SART1: variants seen among roughly 807,000 people sequenced by gnomAD.
The protein encoded by SART1 is spliceosome associated factor 1, recruiter of U4/U6.U5 tri-snRNP.
In SART1, 28 loss-of-function variants were observed where a neutral mutation model predicts 105.0. The ratio of observed to expected loss-of-function variants is 0.27; its 90% CI spans 0.20 to 0.37. The LOEUF (loss-of-function observed/expected upper bound fraction) is 0.37. Ranked by LOEUF, SART1 falls within the 10% of genes least tolerant of loss-of-function variation. The probability of loss-of-function intolerance (pLI) is 1.00; values close to 1 mark genes in which losing one functional copy is unlikely to be tolerated. For missense variants in SART1, 894 were observed against 1,106.5 expected, an observed-to-expected ratio of 0.81 and a Z score of 2.72; for synonymous variants, 472 against 462.9, an observed-to-expected ratio of 1.02 and a Z score of -0.25.
rs1308335318 is a variant in SART1 at position 65,977,042 on chromosome 11, A to G, written c.1886A>G (p.Asp629Gly). Residue 629 changes from aspartate (D) to glycine (G), a missense_variant, in exon 15 of 20, where the codon GAC (aspartate) becomes GGC (glycine). By Grantham distance (94) the Asp-to-Gly change is moderately conservative (BLOSUM62 -1). Transcript: ENST00000312397. ...TCTGCTTCCTCCACCACCATCCTGG[A>G]CGAGGAACCGATCGTGAATAGGGGG... Reference protein sequence around the residue: ...DFSASSTTILDEEPIVNRGLA... With the variant: ...DFSASSTTILGEEPIVNRGLA... The G allele has an allele frequency of 5.6e-6, 9 of 1,613,906 alleles. No individual in the cohort carries two copies. Among genetic ancestry groups the G allele is most frequent in the Non-Finnish European group, 7.6e-6 (9 of 1,179,944 alleles).
At position 65,976,851 on chromosome 11, in the gene SART1, C is replaced by G; in HGVS notation, c.1857+85C>G. The stretch of plus-strand genomic sequence containing the variant: ...CGGGCTCGGTGTCCAGAGCCTCAGC[C>G]TCCTCATCCAGAGTGGGCTCTGCAG... On this transcript the variant is annotated intron_variant, in intron 14 of 19. Transcript: ENST00000312397. This position sits in a 1 kb window ranked among gnomAD's most constrained non-coding sequence, Gnocchi z 5.1. 7.9e-7 allele frequency: 1 copy of G among 1,265,942 alleles called. No homozygotes were observed. The highest frequency in any genetic ancestry group is 1.1e-6 in the Non-Finnish European group (1 of 896,492). 78.4% of individuals were successfully genotyped at this position (1,265,942 alleles called of 1,614,324 possible). A position where few individuals can be genotyped will look rare whatever the true frequency, so the allele number is the denominator to read the frequency against.
In SART1 at chr11:65,977,632, T is replaced by C; in HGVS notation, c.2015T>C (p.Val672Ala). 2.5e-6 allele frequency: 4 copies of C among 1,613,960 alleles called. No individual in the cohort carries two copies. The highest frequency in any genetic ancestry group is 1.7e-5 in the Admixed American group (1 of 60,018). The change falls in exon 16 of 20, where the codon GTG becomes GCG. Residue 672 changes from valine to alanine, a missense_variant. Val to Ala is a moderately conservative substitution (Grantham distance 64). Transcript: ENST00000312397. ...KAPNKSLPSA[V>A]YCIEDKMAID... ...CCCAACAAGTCGCTGCCCTCAGCCG[T>C]GTACTGCATCGAGGATAAGATGTGA... is the stretch of plus-strand genomic sequence containing the variant.
At position 65,965,184 on chromosome 11, in the gene SART1, G is replaced by A; in HGVS notation, c.520G>A (p.Ala174Thr). The A allele has an allele frequency of 6.2e-7, 1 of 1,607,726 alleles. No individual in the cohort carries two copies. The highest frequency in any genetic ancestry group is 8.5e-7 in the Non-Finnish European group (1 of 1,178,570). The change falls in exon 4 of 20, where the codon GCC becomes ACC. Residue 174 changes from alanine (A) to threonine (T), a missense_variant. Ala to Thr is a moderately conservative substitution (Grantham distance 58). Transcript: ENST00000312397. Reference sequence around the variant, plus strand: ...GGAGCTGCGGGAGAAGCTGGCGGCTGCCAAGGAGAAGCGCCTGCTGAACCA... The same window carrying A: ...GGAGCTGCGGGAGAAGCTGGCGGCTACCAAGGAGAAGCGCCTGCTGAACCA... Reference protein sequence around the residue: ...REELREKLAAAKEKRLLNQKL... With the variant: ...REELREKLAATKEKRLLNQKL...
Position 65,978,015 on chromosome 11 carries a change from G to A in SART1, c.2172+116G>A, listed in dbSNP as rs1386805457. 1.3e-5 allele frequency: 15 copies of A among 1,181,700 alleles called. No homozygotes were observed. The East Asian group carries it at 3.8e-4, about 30-fold the overall frequency. The allele number at this position is 1,181,700 out of a possible 1,614,324, so 73.2% of individuals were successfully genotyped here. A position where few individuals can be genotyped will look rare whatever the true frequency, so the allele number is the denominator to read the frequency against. On this transcript the variant is annotated intron_variant, in intron 17 of 19. Transcript: ENST00000312397. This position sits in a 1 kb window ranked among gnomAD's most constrained non-coding sequence, Gnocchi z 6.8. ...AGGGTCCTGGCTCCACCAGCCTCTG[G>A]CTGGGGGCCTGGTGAATGCCACGGA... is the stretch of plus-strand genomic sequence containing the variant.
At chr11:65,971,830 G>A (rs1481589337) in intron 12 of SART1, among the ~76,000 whole-genome samples, 1 of 152,072 alleles carries the variant, frequency 6.6e-6, no homozygotes, top group Non-Finnish European at 1.5e-5. Flanking sequence ...AGGGCCTGGA[G>A]TCGTGATGTG....
Position 65,962,019 on chromosome 11 carries a change from G to C in SART1, c.239G>C (p.Gly80Ala), listed in dbSNP as rs1312183376. ...AEAEARSSTH[G>A]RERSQAEPSE... ...GCTGAGGCCCGGAGCAGCACGCACG[G>C]GCGGGAGCGCAGCCAGGCAGAGCCC... The change falls in exon 1 of 20, where the codon GGG becomes GCG. Residue 80 changes from glycine (G) to alanine (A), a missense_variant. By Grantham distance (60) the Gly-to-Ala change is moderately conservative. Transcript: ENST00000312397. The C allele has an allele frequency of 6.6e-7, 1 of 1,512,412 alleles. No homozygotes were observed. Among genetic ancestry groups the C allele is most frequent in the Admixed American group, 2.1e-5 (1 of 47,662 alleles). The allele number at this position is 1,512,412 out of a possible 1,614,324, so 93.7% of individuals were successfully genotyped here.
chr11:65,966,683 G>A, intron 9 of SART1, 127 bp downstream of exon 9: 2 of 1,147,318 alleles, frequency 1.7e-6, no homozygotes, highest in Non-Finnish European at 2.4e-6. Flanking sequence ...CCTCGCGGGT[G>A]AGCACTAAAT....
At position 65,979,166 on chromosome 11, in the gene SART1, T is replaced by C; in HGVS notation, c.*136T>C. 6 of 1,141,384 alleles carry C rather than the reference T, an allele frequency of 5.3e-6. No individual in the cohort carries two copies. Among genetic ancestry groups the C allele is most frequent in the Non-Finnish European group, 7.7e-6 (6 of 782,476 alleles). The allele number at this position is 1,141,384 out of a possible 1,614,324, so 70.7% of individuals were successfully genotyped here. On this transcript the variant is annotated 3_prime_UTR_variant, in exon 20 of 20. Coordinates refer to ENST00000312397, the MANE Select transcript of SART1 (RefSeq NM_005146.5). ...GTGTGGCACAGAGTCTGGCTCCTGC[T>C]AGGTGAGACCTGGCCATCAAATGAC...
At chr11:65,977,366 C>T (rs2134923105) in intron 15 of SART1, among the ~76,000 whole-genome samples, 197 bp from the exon 16 acceptor site, 1 of 152,340 alleles carries the variant, frequency 6.6e-6, no homozygotes, top group Non-Finnish European at 1.5e-5. Context: ...AGGACCCCAG[C>T]TCTGCCATTT....
rs1238767279 is a variant in SART1, at chr11:65,965,995, A to G, written c.838+9A>G. 6.2e-7 allele frequency: 1 copy of G among 1,614,080 alleles called. No homozygotes were observed. The highest frequency in any genetic ancestry group is 1.3e-5 in the African/African-American group (1 of 75,068). On this transcript the variant is annotated intron_variant, in intron 7 of 19. Coordinates refer to ENST00000312397, the MANE Select transcript of SART1 (RefSeq NM_005146.5). ...TACCCTCAAGGACAAAGGTAATGCG[A>G]GCTGGGTGCCCTGGGTGGGGGCACA...
rs1422505602 is a variant in SART1 at position 65,967,569 on chromosome 11, T to C, written c.1412T>C (p.Met471Thr). ...LPSDDTRVEN[M>T]DISDEEEGGA... is the part of the protein sequence containing the mutation. The stretch of plus-strand genomic sequence containing the variant: ...TCGGACGACACCCGAGTGGAGAACA[T>C]GGACATCAGTGATGAGGGTGAGGGC... The change falls in exon 11 of 20, where the codon ATG (methionine) becomes ACG (threonine). Residue 471 changes from methionine to threonine, a missense_variant. By Grantham distance (81) the Met-to-Thr change is moderately conservative (BLOSUM62 -1). Around this residue, in one of 2 missense-constraint regions of SART1, gnomAD observed 712 missense variants for 778.2 expected, o/e 0.91. Transcript: ENST00000312397. The C allele has an allele frequency of 6.2e-7, 1 of 1,612,320 alleles. No individual in the cohort carries two copies. The highest frequency in any genetic ancestry group is 2.2e-5 in the East Asian group (1 of 44,850).
chr11:65,963,545 G>T (rs1224582299), intron 1 of SART1, among the ~76,000 whole-genome samples: 3 of 151,858 alleles, frequency 2.0e-5, no homozygotes, highest in Non-Finnish European at 4.4e-5. Context: ...GCAGTGGCAC[G>T]ATCTCAGCTC....
rs1466903931 is a variant in SART1, at chr11:65,976,618, G to A, written c.1747-38G>A. Reference sequence around the variant, plus strand: ...CTGCTTCCCTCGGCTGGGTGGGCTGGCTGGGGCCTGGGCCGACCCTGGTCT... The same window carrying A: ...CTGCTTCCCTCGGCTGGGTGGGCTGACTGGGGCCTGGGCCGACCCTGGTCT... On this transcript the variant is annotated intron_variant, in intron 13 of 19. Coordinates refer to ENST00000312397, the MANE Select transcript of SART1 (RefSeq NM_005146.5). The surrounding 1 kb of genome is among the most constrained non-coding windows in gnomAD (Gnocchi z 5.1). The A allele has an allele frequency of 2.5e-6, 4 of 1,613,430 alleles. No individual in the cohort carries two copies. The highest frequency in any genetic ancestry group is 1.7e-5 in the Admixed American group (1 of 59,996).
chr11:65,978,665 G>T lies in SART1; in HGVS notation c.2238G>T (p.Arg746=), dbSNP rs11545221. The change falls in exon 18 of 20, where the codon CGG becomes CGT. Residue 746 remains arginine (R), a synonymous_variant. Coordinates refer to ENST00000312397, the MANE Select transcript of SART1 (RefSeq NM_005146.5). This position sits in a 1 kb window ranked among gnomAD's most constrained non-coding sequence, Gnocchi z 6.8. Reference sequence around the variant, plus strand: ...CAGGCAAGATGAAGACAGAGCGGCGGATGAAGAAGCTGGACGAGGAGGCGG... The same window carrying T: ...CAGGCAAGATGAAGACAGAGCGGCGTATGAAGAAGCTGGACGAGGAGGCGG... ...KGSGKMKTER[R]MKKLDEEALL... 49,098 of 1,601,420 alleles carry T rather than the reference G, an allele frequency of 0.031. 1,311 individuals carry two copies. Among genetic ancestry groups the T allele is most frequent in the East Asian group, 0.15 (6,815 of 44,156 alleles).
chr11:65,963,395 A>T (rs1855183885), intron 1 of SART1, among the ~76,000 whole-genome samples: 1 of 152,258 alleles, frequency 6.6e-6, no homozygotes, highest in South Asian at 2.1e-4. Flanking sequence ...GTTGGGATCC[A>T]TGGCCCAGGT....
chr11:65,974,552 A>G (rs951093738), intron 12 of SART1, among the ~76,000 whole-genome samples: 3 of 141,990 alleles, frequency 2.1e-5, no homozygotes, highest in African/African-American at 5.3e-5. Flanking sequence ...GGAGGCATGC[A>G]CCTGTAGTCC....
rs1160357352 is a variant in SART1, at chr11:65,962,022, G to A, written c.242G>A (p.Arg81Gln). The A allele has an allele frequency of 4.0e-6, 6 of 1,511,764 alleles. No individual in the cohort carries two copies. In the Admixed American group the frequency reaches 6.3e-5, roughly 16 times the overall value. The allele number at this position is 1,511,764 out of a possible 1,614,324, so 93.6% of individuals were successfully genotyped here. The part of the protein sequence containing the change: ...EAEARSSTHG[R>Q]ERSQAEPSER... ...GAGGCCCGGAGCAGCACGCACGGGC[G>A]GGAGCGCAGCCAGGCAGAGCCCTCC... Residue 81 changes from arginine (R) to glutamine (Q), a missense_variant, in exon 1 of 20, where the codon CGG becomes CAG. By Grantham distance (43) the Arg-to-Gln change is conservative. This residue lies in a region of SART1 where 712 missense variants were observed against 778.2 expected (regional missense o/e 0.91). Coordinates refer to ENST00000312397, the MANE Select transcript of SART1 (RefSeq NM_005146.5).
chr11:65,974,892 T>C (rs964821599), intron 12 of SART1, among the ~76,000 whole-genome samples: 2 of 151,052 alleles, frequency 1.3e-5, no homozygotes, highest in African/African-American at 4.9e-5. Context: ...ACAAAAAAAT[T>C]AGCTGGGCGT....
At chr11:65,973,537 C>G in intron 12 of SART1, among the ~76,000 whole-genome samples, 1 of 152,218 alleles carries the variant, frequency 6.6e-6, no homozygotes, top group Admixed American at 6.5e-5. Context: ...GAGTAAAGGA[C>G]ATGGAGCGGC....
Sources: gnomAD v4.1 joint callset for allele counts (sites outside exome capture counted in the v4.1 genomes callset) on GRCh38, gnomAD v4.1.1 for gene constraint, gnomAD v4.1.1 regional missense constraint, Gnocchi (gnomAD v3.1) non-coding constraint, MANE v1.5 for transcripts, NCBI Gene and HGNC (gene_info 2026-07-23, HGNC 2026-07-21) for gene names.